Variants in NUMB observed in about 807,000 individuals in gnomAD.
NUMB encodes protein numb homolog.
NUMB carries 29 observed loss-of-function variants against 59.7 expected under a neutral mutation model. The ratio of observed to expected loss-of-function variants is 0.49; its 90% CI spans 0.36 to 0.66. NUMB has a LOEUF of 0.66. Ranked by LOEUF, NUMB falls within the 30% of genes least tolerant of loss-of-function variation. The pLI is 0.00. For missense variants in NUMB, 723 were observed against 822.0 expected, an observed-to-expected ratio of 0.88 and a Z score of 1.47; for synonymous variants, 288 against 288.2, an observed-to-expected ratio of 1.00 and a Z score of 0.01.
At chr14:73,337,953 T>C (rs1432837501) in intron 4 of NUMB, among the ~76,000 whole-genome samples, 1 of 152,186 alleles carries the variant, frequency 6.6e-6, no homozygotes, top group Non-Finnish European at 1.5e-5. Context: ...CCCAAATTAA[T>C]ATATGGGAAC....
intron 4 of NUMB, among the ~76,000 whole-genome samples, chr14:73,342,185 C>G (rs1260157858): frequency 2.6e-5 from 4 of 152,266 alleles, no homozygotes; most frequent in Non-Finnish European, 5.9e-5. Flanking sequence ...GCGTAAGCCA[C>G]TGTCCCTGGC....
At chr14:73,384,378 C>T (rs1327711807) in intron 2 of NUMB, among the ~76,000 whole-genome samples, 2 of 152,052 alleles carry the variant, frequency 1.3e-5, no homozygotes, top group Admixed American at 6.6e-5. Context: ...CTTGAGCCAC[C>T]TCACCTGGCT....
At chr14:73,278,035 G>C (rs1443984468) in intron 12 of NUMB, among the ~76,000 whole-genome samples, 30 of 100,626 alleles carry the variant, frequency 3.0e-4, no homozygotes, top group African/African-American at 1.1e-3. Flanking sequence ...GACACAGCGA[G>C]ACTCCGTCTC....
At position 73,346,506 on chromosome 14, in the gene NUMB, T is replaced by C. The variant is rs543956108; in HGVS notation, c.126+9120A>G. Among the ~76,000 whole-genome samples the C allele has an allele frequency of 2.1e-3, 320 of 151,932 alleles. 3 individuals carry two copies. Among genetic ancestry groups the C allele is most frequent in the Middle Eastern group, 6.8e-3 (2 of 294 alleles). ...AAAAAAAAAAAAAAAAATTTATCTC[T>C]GTTATACCAGCAGATAGAATTGCAA... On this transcript the variant is annotated intron_variant, in intron 4 of 12. Coordinates refer to ENST00000555238, the MANE Select transcript of NUMB (RefSeq NM_001005743.2).
intron 1 of NUMB, among the ~76,000 whole-genome samples, chr14:73,421,777 G>A (rs74061116): frequency 0.058 from 8,870 of 152,082 alleles, 723 homozygotes; most frequent in African/African-American, 0.19. Flanking sequence ...TGGAAAATTC[G>A]GTGTCTATTA....
intron 1 of NUMB, among the ~76,000 whole-genome samples, chr14:73,422,815 C>T (rs1595021535): frequency 6.6e-6 from 1 of 152,044 alleles, no homozygotes; most frequent in Admixed American, 6.6e-5. Context: ...CAATCACCCC[C>T]CTGGCCCCAC....
At position 73,446,093 on chromosome 14, in the gene NUMB, T is replaced by A. The variant is rs547614963; in HGVS notation, c.-233+12400A>T. Among the ~76,000 whole-genome samples, 54 of 150,836 alleles carry A rather than the reference T, an allele frequency of 3.6e-4. 1 individual carries two copies. In the South Asian group the frequency reaches 0.011, roughly 30 times the overall value. On this transcript the variant is annotated intron_variant, in intron 1 of 12. Transcript: ENST00000555238. Reference sequence around the variant, plus strand: ...CCTACTGCAACCTCCACCTCCCAGGTTCAAGTGATTCTCCTACCTCAGCCT... The same window carrying A: ...CCTACTGCAACCTCCACCTCCCAGGATCAAGTGATTCTCCTACCTCAGCCT...
chr14:73,386,674 A>G lies in NUMB; in HGVS notation c.-100-19693T>C, dbSNP rs117883316. ...AATTCTGACAGAAAAACAAAACGCTATAGAAATAAAGAAAATTCCCATTCA... is the reference window on the plus strand; with the variant it reads ...AATTCTGACAGAAAAACAAAACGCTGTAGAAATAAAGAAAATTCCCATTCA... On this transcript the variant is annotated intron_variant, in intron 2 of 12. Coordinates refer to ENST00000555238, the MANE Select transcript of NUMB (RefSeq NM_001005743.2). 6.8e-3 allele frequency among the ~76,000 whole-genome samples: 1,037 copies of G among 152,246 alleles called. 5 individuals are homozygous for G. The highest frequency in any genetic ancestry group is 0.03 in the South Asian group (143 of 4,824).
rs1894997980 is a variant in NUMB at position 73,377,310 on chromosome 14, G to A, written c.-100-10329C>T. Among the ~76,000 whole-genome samples the A allele has an allele frequency of 2.6e-5, 4 of 152,284 alleles. No individual in the cohort carries two copies. In the South Asian group the frequency reaches 8.3e-4, roughly 32 times the overall value. ...AATGAGAAGACAGGCAACAGACTGG[G>A]AGAAAGTATTTGCAGAAAACATGTC... On this transcript the variant is annotated intron_variant, in intron 2 of 12. Transcript: ENST00000555238.
At chr14:73,391,862 A>C (rs1594981860) in intron 2 of NUMB, among the ~76,000 whole-genome samples, 1 of 152,332 alleles carries the variant, frequency 6.6e-6, no homozygotes, top group East Asian at 1.9e-4. Context: ...ATTGGGTTCT[A>C]CTCAAATACT....
intron 1 of NUMB, among the ~76,000 whole-genome samples, chr14:73,435,334 C>T (rs1435029300): frequency 1.4e-5 from 2 of 143,598 alleles, no homozygotes; most frequent in Admixed American, 1.5e-4. Context: ...AGTGCAGTGG[C>T]GCGATCTCGA....
intron 1 of NUMB, among the ~76,000 whole-genome samples, chr14:73,445,381 A>AAAAAAAAAAAAAAAAAAAAAAAC (rs1206147366): frequency 7.7e-6 from 1 of 129,790 alleles, no homozygotes; most frequent in Non-Finnish European, 1.7e-5. Context: ...AAAAAAAAAA[A>AAAAAAAAAAAAAAAAAAAAAAAC]AAAAAAAAAA....
intron 2 of NUMB, among the ~76,000 whole-genome samples, chr14:73,368,398 C>T (rs368318833): frequency 3.3e-5 from 5 of 151,996 alleles, no homozygotes; most frequent in African/African-American, 4.8e-5. Flanking sequence ...GCCAACACAG[C>T]GAAACCTTGT....
intron 1 of NUMB, among the ~76,000 whole-genome samples, chr14:73,449,120 G>C (rs192639871): frequency 1.2e-3 from 188 of 152,154 alleles, no homozygotes; most frequent in African/African-American, 4.1e-3. Flanking sequence ...AAAAGTAATT[G>C]TGTTTTTGCT....
chr14:73,416,419 G>T (rs922645886), intron 1 of NUMB, among the ~76,000 whole-genome samples: 3 of 151,512 alleles, frequency 2.0e-5, no homozygotes, highest in African/African-American at 7.3e-5. Context: ...TACTAGCAGG[G>T]CTTTATCCAA....
chr14:73,355,594 A>G (rs1186168735), intron 4 of NUMB, 32 bp downstream of exon 4: 1 of 1,581,970 alleles, frequency 6.3e-7, no homozygotes, highest in Non-Finnish European at 8.6e-7. Flanking sequence ...GTTCTTTTCC[A>G]CATACAGACT....
chr14:73,432,161 T>C (rs947360460), intron 1 of NUMB, among the ~76,000 whole-genome samples: 11 of 152,092 alleles, frequency 7.2e-5, no homozygotes, highest in Admixed American at 2.0e-4. Flanking sequence ...AGTACGATAG[T>C]ACTATATACA....
chr14:73,357,888 C>A (rs1450034851), intron 3 of NUMB, among the ~76,000 whole-genome samples: 1 of 146,768 alleles, frequency 6.8e-6, no homozygotes, highest in Non-Finnish European at 1.5e-5. Context: ...TGAGGCCCCC[C>A]CCAAAAAAAA....
At chr14:73,313,645 T>C (rs1890901651) in intron 6 of NUMB, among the ~76,000 whole-genome samples, 2 of 131,472 alleles carry the variant, frequency 1.5e-5, no homozygotes, top group South Asian at 5.7e-4. Flanking sequence ...TCTCATTATA[T>C]ATATGCAAAT....
Sources: allele counts gnomAD v4.1 joint callset (sites outside exome capture counted in the v4.1 genomes callset), GRCh38; gene constraint gnomAD v4.1.1; transcripts MANE v1.5; gene names NCBI Gene and HGNC (gene_info 2026-07-23, HGNC 2026-07-21).